Variants in CDKAL1 observed in about 807,000 individuals in gnomAD.
CDKAL1 encodes threonylcarbamoyladenosine tRNA methylthiotransferase.
CDKAL1 carries 32 observed loss-of-function variants against 68.2 expected under a neutral mutation model. That is an observed-to-expected ratio of 0.47 (90% CI 0.35 to 0.63). CDKAL1 has a LOEUF of 0.63. Among genes scored for constraint, CDKAL1 ranks in the 30% least tolerant of loss-of-function variants. The pLI is 0.00. For missense variants in CDKAL1, 606 were observed against 696.7 expected (o/e 0.87, Z 1.47); for synonymous variants, 234 against 244.3 (o/e 0.96, Z 0.39).
chr6:20,894,661 G>T (rs148651439), intron 9 of CDKAL1, among the ~76,000 whole-genome samples: 1,627 of 152,114 alleles, frequency 0.011, 20 homozygotes, highest in South Asian at 0.049. Context: ...AGAGATAATG[G>T]TTAATTTCTC....
intron 11 of CDKAL1, among the ~76,000 whole-genome samples, chr6:21,041,841 T>C (rs1769950625): frequency 6.6e-6 from 1 of 152,296 alleles, no homozygotes; most frequent in South Asian, 2.1e-4. Context: ...AAGAAACATT[T>C]CCTTCATGTT....
At chr6:20,852,854 A>G (rs907572817) in intron 9 of CDKAL1, among the ~76,000 whole-genome samples, 2 of 152,228 alleles carry the variant, frequency 1.3e-5, no homozygotes, top group African/African-American at 4.8e-5. Flanking sequence ...TTTCCTCAGA[A>G]CTTTGAGGAT....
intron 9 of CDKAL1, among the ~76,000 whole-genome samples, chr6:20,865,675 T>C (rs913026070): frequency 3.3e-5 from 5 of 152,046 alleles, no homozygotes; most frequent in African/African-American, 1.2e-4. Flanking sequence ...ATTGAAAATA[T>C]TTAAAATAAA....
intron 5 of CDKAL1, among the ~76,000 whole-genome samples, chr6:20,735,364 A>G (rs1026135566): frequency 3.3e-5 from 5 of 152,140 alleles, no homozygotes; most frequent in Non-Finnish European, 5.9e-5. Context: ...GAAACTTACA[A>G]TCATGGCAGA....
In CDKAL1 at chr6:20,952,531, A is replaced by G. The variant is rs1051590702; in HGVS notation, c.743-2888A>G. ...CCAGTTTAATGGTGAATCCATATCT[A>G]TCGTGAGCTGGAAGAGCTGAAGGGC... On this transcript the variant is annotated intron_variant, in intron 9 of 15. Coordinates refer to ENST00000274695, the MANE Select transcript of CDKAL1 (RefSeq NM_017774.3). Among the ~76,000 whole-genome samples the G allele has an allele frequency of 4.6e-5, 7 of 152,238 alleles. No homozygotes were observed. The South Asian group carries it at 6.2e-4, about 13-fold the overall frequency.
intron 15 of CDKAL1, among the ~76,000 whole-genome samples, chr6:21,228,796 A>G (rs1412939479): frequency 6.6e-6 from 1 of 152,224 alleles, no homozygotes; most frequent in Non-Finnish European, 1.5e-5. Context: ...AGGTTCCCAC[A>G]TATATGTGAG....
chr6:20,660,873 A>T (rs1404526544), intron 5 of CDKAL1, among the ~76,000 whole-genome samples: 2 of 152,212 alleles, frequency 1.3e-5, no homozygotes, highest in Non-Finnish European at 2.9e-5. Context: ...TAAGTAATAT[A>T]ATTGCATTAA....
intron 12 of CDKAL1, among the ~76,000 whole-genome samples, chr6:21,097,757 T>C (rs1055573765): frequency 3.9e-5 from 6 of 152,160 alleles, no homozygotes; most frequent in African/African-American, 1.2e-4. Flanking sequence ...TAAAAAGAAA[T>C]TCATGCCTCG....
intron 9 of CDKAL1, among the ~76,000 whole-genome samples, chr6:20,928,545 G>C (rs1455374571): frequency 6.6e-6 from 1 of 152,120 alleles, no homozygotes; most frequent in Non-Finnish European, 1.5e-5. Flanking sequence ...AAGCTGATCT[G>C]ATCTAAGATC....
intron 9 of CDKAL1, among the ~76,000 whole-genome samples, chr6:20,918,514 G>A (rs1036776010): frequency 1.3e-5 from 2 of 152,176 alleles, no homozygotes; most frequent in African/African-American, 2.4e-5. Context: ...GCTTCCTTCC[G>A]ATTGGAAGCT....
At chr6:20,781,045 G>C (rs1335382129) in intron 7 of CDKAL1, 100 bp from the exon 8 acceptor site, 10 of 1,166,296 alleles carry the variant, frequency 8.6e-6, no homozygotes, top group Non-Finnish European at 1.2e-5. Flanking sequence ...TGTTTCCCCT[G>C]CTCCCGAAAA....
chr6:21,061,803 C>A (rs1771150926), intron 11 of CDKAL1, among the ~76,000 whole-genome samples: 2 of 152,260 alleles, frequency 1.3e-5, no homozygotes, highest in South Asian at 4.1e-4. Context: ...TCCGCCTCAT[C>A]TCACATTAAA....
At chr6:20,751,223 G>A (rs1371846958) in intron 6 of CDKAL1, among the ~76,000 whole-genome samples, 1 of 152,066 alleles carries the variant, frequency 6.6e-6, no homozygotes, top group Non-Finnish European at 1.5e-5. Flanking sequence ...GTTCTCCGAC[G>A]GCTTCAAATG....
At chr6:21,096,964 CTG>C (rs1446760671) in intron 12 of CDKAL1, among the ~76,000 whole-genome samples, 4 of 152,150 alleles carry the variant, frequency 2.6e-5, no homozygotes, top group East Asian at 1.9e-4. Flanking sequence ...TTAGAAATAA[CTG>C]AAACTTCTTC....
chr6:21,100,994 C>T (rs567560350), intron 12 of CDKAL1, among the ~76,000 whole-genome samples: 2 of 152,198 alleles, frequency 1.3e-5, no homozygotes, highest in Admixed American at 1.3e-4. Context: ...AAGCACTTAC[C>T]AGGTAGGGGA....
chr6:20,806,186 T>C (rs1776563994), intron 8 of CDKAL1, among the ~76,000 whole-genome samples: 1 of 152,206 alleles, frequency 6.6e-6, no homozygotes, highest in African/African-American at 2.4e-5. Context: ...TTTCTTTGTA[T>C]CCATATGTAC....
intron 13 of CDKAL1, among the ~76,000 whole-genome samples, chr6:21,124,340 T>A (rs1774879460): frequency 6.6e-6 from 1 of 152,136 alleles, no homozygotes; most frequent in Non-Finnish European, 1.5e-5. Flanking sequence ...TCTCTGATGT[T>A]GCTGCTGCCC....
intron 13 of CDKAL1, among the ~76,000 whole-genome samples, chr6:21,148,598 T>C (rs1400364697): frequency 1.3e-5 from 2 of 152,184 alleles, no homozygotes; most frequent in East Asian, 3.9e-4. Context: ...CCTATTTTTT[T>C]AATTACAGAT....
At chr6:20,764,951 A>G (rs1341535739) in intron 7 of CDKAL1, among the ~76,000 whole-genome samples, 2 of 152,310 alleles carry the variant, frequency 1.3e-5, no homozygotes, top group Non-Finnish European at 2.9e-5. Context: ...AATACTTTCC[A>G]GTCTCATCGG....
Sources: gnomAD v4.1 joint callset for allele counts (sites outside exome capture counted in the v4.1 genomes callset) on GRCh38, gnomAD v4.1.1 for gene constraint, MANE v1.5 for transcripts, NCBI Gene and HGNC (gene_info 2026-07-23, HGNC 2026-07-21) for gene names.